The following CD44 variants were observed in gnomAD, a reference collection of about 807,000 sequenced individuals.
CD44 encodes the protein CD44 molecule (IN blood group).
CD44 carries 49 observed loss-of-function variants against 88.8 expected under a neutral mutation model. The observed-to-expected ratio is 0.55, with a 90% CI of 0.44 to 0.70. CD44 has a LOEUF of 0.70. CD44 is among the 30% of genes least tolerant of loss of function. The pLI, the probability that CD44 is intolerant of heterozygous loss-of-function variation, is 0.00. For missense variants in CD44, 883 were observed against 913.8 expected (o/e 0.97, Z 0.43); for synonymous variants, 325 against 312.3 (o/e 1.04, Z -0.43).
chr11:35,223,194 A>G (rs1949443319), intron 17 of CD44: 1 of 984,498 alleles, frequency 1.0e-6, no homozygotes, highest in East Asian at 1.1e-4. Flanking sequence ...GATTGAATGG[A>G]AAGATTTTTT....
intron 1 of CD44, among the ~76,000 whole-genome samples, chr11:35,159,968 A>G (rs536706390): frequency 1.7e-4 from 26 of 152,198 alleles, no homozygotes; most frequent in Non-Finnish European, 3.5e-4. Context: ...GAGGAGCTCA[A>G]AACAATTGAG....
At position 35,198,248 on chromosome 11, in the gene CD44, T is replaced by G. The variant is rs1181555968; in HGVS notation, c.922+2T>G. 9 of 1,613,754 alleles carry G rather than the reference T, an allele frequency of 5.6e-6. No individual in the cohort carries two copies. The highest frequency in any genetic ancestry group is 6.8e-6 in the Non-Finnish European group (8 of 1,179,704). On this transcript the variant is annotated splice_donor_variant, in intron 7 of 17. Transcript: ENST00000428726. LOFTEE classifies it high-confidence loss of function. The stretch of plus-strand genomic sequence containing the variant: ...ATGAAGATTTTATCTCCAGCACCAG[T>G]AAGAATAATCAATTACAGTACAGCC...
At chr11:35,167,090 C>G (rs961435097) in intron 1 of CD44, among the ~76,000 whole-genome samples, 1 of 152,186 alleles carries the variant, frequency 6.6e-6, no homozygotes, top group Admixed American at 6.5e-5. Context: ...GGCTTTGAAG[C>G]CTTCGAACAA....
chr11:35,214,915 G>A lies in CD44; in HGVS notation c.1873+1G>A. On this transcript the variant is annotated splice_donor_variant, in intron 15 of 17. Transcript: ENST00000428726. LOFTEE classifies it high-confidence loss of function. ...ACCACTCATGGATCTGAATCAGATG[G>A]TGAGTTCAAAACTGCTTTAGTCATT... 6.5e-7 allele frequency: 1 copy of A among 1,544,496 alleles called. No individual in the cohort carries two copies. Among genetic ancestry groups the A allele is most frequent in the Non-Finnish European group, 8.7e-7 (1 of 1,145,044 alleles).
chr11:35,185,348 CAGTT>C, intron 3 of CD44, among the ~76,000 whole-genome samples: 1 of 152,102 alleles, frequency 6.6e-6, no homozygotes, highest in Admixed American at 6.5e-5. Flanking sequence ...ATAAAACTGC[CAGTT>C]AGTTCCACTA....
chr11:35,208,143 G>A lies in CD44; in HGVS notation c.1453G>A (p.Ala485Thr). ...TCATAGTATAACGCTTCAGCCTACT[G>A]CAAATCCAAACACAGGTTTGGTGGA... ...SSHSITLQPT[A>T]NPNTGLVEDL... The change falls in exon 12 of 18, where the codon GCA becomes ACA. Residue 485 changes from alanine (A) to threonine (T), a missense_variant. This residue lies in a region of CD44 where 631 missense variants were observed against 590.9 expected (regional missense o/e 1.07). Coordinates refer to ENST00000428726, the MANE Select transcript of CD44 (RefSeq NM_000610.4). The A allele has an allele frequency of 6.2e-7, 1 of 1,612,656 alleles. No homozygotes were observed. Among genetic ancestry groups the A allele is most frequent in the Non-Finnish European group, 8.5e-7 (1 of 1,178,688 alleles).
chr11:35,178,275 G>C (rs1944658752), intron 2 of CD44, among the ~76,000 whole-genome samples: 1 of 152,190 alleles, frequency 6.6e-6, no homozygotes, highest in Non-Finnish European at 1.5e-5. Context: ...CTGAGGACCA[G>C]GGGAGTTCTT....
chr11:35,198,307 T>C, intron 7 of CD44, 61 bp downstream of exon 7: 5 of 1,498,664 alleles, frequency 3.3e-6, no homozygotes, highest in Middle Eastern at 1.8e-4. Context: ...ATCTGAGTGA[T>C]ACCAAATTGT....
intron 1 of CD44, 44 bp downstream of exon 1, chr11:35,139,414 G>A (rs1238750646): frequency 5.3e-6 from 8 of 1,521,786 alleles, no homozygotes; most frequent in Non-Finnish European, 7.1e-6. Context: ...GGTGCGGGGT[G>A]CTCAGCGCGG....
chr11:35,179,382 A>C (rs1043479527), intron 2 of CD44, among the ~76,000 whole-genome samples: 2 of 151,862 alleles, frequency 1.3e-5, no homozygotes, highest in African/African-American at 2.4e-5. Flanking sequence ...TTTTATATTC[A>C]AAAAAAATTG....
At chr11:35,164,007 T>C (rs1942970420) in intron 1 of CD44, among the ~76,000 whole-genome samples, 1 of 152,082 alleles carries the variant, frequency 6.6e-6, no homozygotes, top group African/African-American at 2.4e-5. Context: ...TGAAACGAGA[T>C]AGTTCATGTG....
intron 1 of CD44, among the ~76,000 whole-genome samples, chr11:35,171,812 C>T (rs1010791831): frequency 9.9e-5 from 15 of 151,714 alleles, no homozygotes; most frequent in African/African-American, 2.4e-4. Context: ...AAAATGGGTG[C>T]CCTTTGAAGA....
At chr11:35,140,064 T>C (rs1857594725) in intron 1 of CD44, among the ~76,000 whole-genome samples, 1 of 152,180 alleles carries the variant, frequency 6.6e-6, no homozygotes, top group South Asian at 2.1e-4. Context: ...AGCTGCTTGG[T>C]CCTCACCACC....
At chr11:35,219,189 C>A (rs1183204984) in intron 15 of CD44, 127 bp from the exon 16 acceptor site, 1 of 698,042 alleles carries the variant, frequency 1.4e-6, no homozygotes, top group Non-Finnish European at 2.6e-6. Flanking sequence ...TAAACATCTG[C>A]AGCTTGAATC....
At position 35,219,158 on chromosome 11, in the gene CD44, A is replaced by T. The variant is rs117309120; in HGVS notation, c.1874-158A>T. 1,956 of 618,362 alleles carry T rather than the reference A, an allele frequency of 3.2e-3. 9 individuals are homozygous for T. The highest frequency in any genetic ancestry group is 4.4e-3 in the Non-Finnish European group (1,523 of 343,894). The allele number at this position is 618,362 out of a possible 1,614,324, so 38.3% of individuals were successfully genotyped here. On this transcript the variant is annotated intron_variant, in intron 15 of 17. Transcript: ENST00000428726. Reference sequence around the variant, plus strand: ...CCTTAATCAAATGAGGTGGGGGGGAAATCTTTTGTGTAATGCTTTATAAAC... The same window carrying T: ...CCTTAATCAAATGAGGTGGGGGGGATATCTTTTGTGTAATGCTTTATAAAC...
chr11:35,146,050 G>A (rs1053237163), intron 1 of CD44, among the ~76,000 whole-genome samples: 139 of 152,032 alleles, frequency 9.1e-4, no homozygotes, highest in African/African-American at 3.0e-3. Flanking sequence ...CACAGAATGA[G>A]GGGGTGGGTC....
intron 1 of CD44, among the ~76,000 whole-genome samples, chr11:35,157,253 T>G (rs1981153): frequency 0.12 from 17,848 of 152,092 alleles, 1,316 homozygotes; most frequent in African/African-American, 0.2. Flanking sequence ...GGTGGATGCA[T>G]CCTGTGAGTT....
At chr11:35,181,787 A>T (rs1233674405) in intron 3 of CD44, among the ~76,000 whole-genome samples, 13 of 99,812 alleles carry the variant, frequency 1.3e-4, no homozygotes, top group African/African-American at 4.9e-4. Context: ...TATTTATATA[A>T]ATTTATATAT....
chr11:35,166,275 A>G (rs1943251611), intron 1 of CD44, among the ~76,000 whole-genome samples: 1 of 152,224 alleles, frequency 6.6e-6, no homozygotes, highest in South Asian at 2.1e-4. Context: ...CTCTGCCTGA[A>G]GACGCACTCG....
Sources: allele counts gnomAD v4.1 joint callset (sites outside exome capture counted in the v4.1 genomes callset), GRCh38; gene constraint gnomAD v4.1.1; regional missense constraint gnomAD v4.1.1; transcripts MANE v1.5; gene names NCBI Gene and HGNC (gene_info 2026-07-23, HGNC 2026-07-21).